NFIA: variants seen among roughly 807,000 people sequenced by gnomAD.
NFIA encodes the protein nuclear factor 1 A-type.
Under a neutral mutation model 62.8 loss-of-function variants are expected in NFIA, and 8 were observed. The observed-to-expected ratio is 0.13, with a 90% CI of 0.07 to 0.23. The LOEUF (loss-of-function observed/expected upper bound fraction) is 0.23, where lower values mean the gene tolerates loss of function less well. Among genes scored for constraint, NFIA ranks in the 10% least tolerant of loss-of-function variants. The pLI is 1.00. For synonymous variants in NFIA, 235 were observed against 238.1 expected (o/e 0.99, Z 0.12); for missense variants, 410 against 642.1 (o/e 0.64, Z 3.91).
At chr1:61,219,962 A>AAAATAAATAAAT (rs78141910) in intron 2 of NFIA, among the ~76,000 whole-genome samples, 3 of 151,492 alleles carry the variant, frequency 2.0e-5, no homozygotes, top group East Asian at 2.0e-4. Context: ...ACTCCGTCTC[A>AAAATAAATAAAT]AAATAAATAA....
chr1:61,292,943 A>G (rs1229253059), intron 3 of NFIA, among the ~76,000 whole-genome samples: 1 of 152,020 alleles, frequency 6.6e-6, no homozygotes, highest in Non-Finnish European at 1.5e-5. Context: ...GCTCTTTTCC[A>G]TGTCCTGTGC....
intron 2 of NFIA, among the ~76,000 whole-genome samples, chr1:61,118,750 G>C (rs974832996): frequency 6.6e-6 from 1 of 151,808 alleles, no homozygotes; most frequent in Non-Finnish European, 1.5e-5. Context: ...AGTTAAGGGA[G>C]AGTGACCTAA....
chr1:61,142,276 G>C (rs956797671), intron 2 of NFIA, among the ~76,000 whole-genome samples: 3 of 152,082 alleles, frequency 2.0e-5, no homozygotes, highest in Non-Finnish European at 2.9e-5. Context: ...TGTTTATTAT[G>C]GCTCAAAATT....
intron 3 of NFIA, among the ~76,000 whole-genome samples, chr1:61,296,100 G>A (rs184142471): frequency 5.9e-5 from 9 of 152,274 alleles, no homozygotes; most frequent in Admixed American, 5.9e-4. Context: ...CCTCTATTCT[G>A]AACTGATCTG....
intron 10 of NFIA, among the ~76,000 whole-genome samples, chr1:61,450,521 C>T (rs1283548817): frequency 6.6e-6 from 1 of 152,158 alleles, no homozygotes; most frequent in Non-Finnish European, 1.5e-5. Flanking sequence ...GGAGTCTTGG[C>T]TTATTGGTTG....
intron 2 of NFIA, among the ~76,000 whole-genome samples, chr1:61,121,010 T>C (rs998896150): frequency 2.6e-5 from 4 of 152,216 alleles, no homozygotes; most frequent in African/African-American, 9.6e-5. Flanking sequence ...AGTACATTTA[T>C]GATAAAAGTA....
At chr1:61,380,742 A>G (rs950681179) in intron 6 of NFIA, among the ~76,000 whole-genome samples, 1 of 152,192 alleles carries the variant, frequency 6.6e-6, no homozygotes, top group Non-Finnish European at 1.5e-5. Context: ...GGTTCATATT[A>G]CTTGACTGTG....
At chr1:61,378,959 A>G (rs1664276571) in intron 6 of NFIA, among the ~76,000 whole-genome samples, 1 of 152,178 alleles carries the variant, frequency 6.6e-6, no homozygotes, top group African/African-American at 2.4e-5. Context: ...TTCCTTTTAT[A>G]CAAGGCTCCC....
intron 3 of NFIA, among the ~76,000 whole-genome samples, chr1:61,300,093 A>G (rs1422985723): frequency 6.6e-6 from 1 of 152,080 alleles, no homozygotes; most frequent in Non-Finnish European, 1.5e-5. Context: ...GATGACATTA[A>G]AAAAAATTTT....
intron 2 of NFIA, among the ~76,000 whole-genome samples, chr1:61,235,500 AAAT>A (rs1654946125): frequency 3.4e-5 from 5 of 145,508 alleles, no homozygotes; most frequent in Non-Finnish European, 6.0e-5. Context: ...ATAAATAAAT[AAAT>A]AAAAATAAAA....
chr1:61,270,911 T>C (rs1291003187), intron 2 of NFIA, among the ~76,000 whole-genome samples: 2 of 152,154 alleles, frequency 1.3e-5, no homozygotes, highest in Non-Finnish European at 2.9e-5. Context: ...CCTAGACATT[T>C]TAGTTTAGTT....
At chr1:61,226,494 C>A (rs531703949) in intron 2 of NFIA, among the ~76,000 whole-genome samples, 119 of 152,242 alleles carry the variant, frequency 7.8e-4, no homozygotes, top group Middle Eastern at 3.4e-3. Context: ...TTCACATTAA[C>A]CCTGCTTCTC....
At chr1:61,333,090 C>CACAT (rs1254832509) in intron 4 of NFIA, among the ~76,000 whole-genome samples, 3 of 151,314 alleles carry the variant, frequency 2.0e-5, no homozygotes, top group Non-Finnish European at 4.4e-5. Flanking sequence ...CACACACACA[C>CACAT]ATACACAGTT....
At chr1:61,328,951 G>A (rs1661121054) in intron 3 of NFIA, among the ~76,000 whole-genome samples, 1 of 150,330 alleles carries the variant, frequency 6.7e-6, no homozygotes, top group Non-Finnish European at 1.5e-5. Context: ...TTGAACTCCT[G>A]ACCTCAAACG....
At chr1:61,438,459 C>T (rs1411607476) in intron 10 of NFIA, among the ~76,000 whole-genome samples, 2 of 152,108 alleles carry the variant, frequency 1.3e-5, no homozygotes, top group African/African-American at 4.8e-5. Context: ...ATGAGCACCC[C>T]GGAGGTAATC....
At chr1:61,344,475 C>T (rs114850650) in intron 4 of NFIA, among the ~76,000 whole-genome samples, 2,760 of 152,142 alleles carry the variant, frequency 0.018, 75 homozygotes, top group African/African-American at 0.06. Flanking sequence ...TCCATTTTTT[C>T]ATATTTGTAA....
chr1:61,419,709 T>C (rs1446652396), intron 9 of NFIA, among the ~76,000 whole-genome samples: 1 of 152,222 alleles, frequency 6.6e-6, no homozygotes. Context: ...GGCCAGACTA[T>C]TTCTTTTCAT....
chr1:61,155,263 G>C (rs1648709105), intron 2 of NFIA, among the ~76,000 whole-genome samples: 2 of 152,174 alleles, frequency 1.3e-5, no homozygotes, highest in Admixed American at 1.3e-4. Flanking sequence ...TCTTAAGACT[G>C]CTCATACATG....
In NFIA at chr1:61,260,589, A is replaced by AT. The variant is rs915909719; in HGVS notation, c.560-16922dup. ...TAGAGTATATTATCAAGAAATTACT[A>AT]TTTTTTTTTGAGACGGAGTCTCGCT... On this transcript the variant is annotated intron_variant, in intron 2 of 10. Coordinates refer to ENST00000403491, the MANE Select transcript of NFIA (RefSeq NM_001134673.4). Among the ~76,000 whole-genome samples, 45 of 151,538 alleles carry AT rather than the reference A, an allele frequency of 3.0e-4. No individual in the cohort carries two copies. In the South Asian group the frequency reaches 3.1e-3, roughly 11 times the overall value.
Sources: allele counts gnomAD v4.1 joint callset (sites outside exome capture counted in the v4.1 genomes callset), GRCh38; gene constraint gnomAD v4.1.1; transcripts MANE v1.5; gene names NCBI Gene and HGNC (gene_info 2026-07-23, HGNC 2026-07-21).